Variants in CIC observed in about 807,000 individuals in gnomAD.
CIC encodes the protein capicua transcriptional repressor.
In CIC, 18 loss-of-function variants were observed where a neutral mutation model predicts 115.7. The ratio of observed to expected loss-of-function variants is 0.16; its 90% CI spans 0.11 to 0.23. The LOEUF is 0.23. Ranked by LOEUF, CIC falls within the 10% of genes least tolerant of loss-of-function variation. The probability of loss-of-function intolerance (pLI) is 1.00; values close to 1 mark genes in which losing one functional copy is unlikely to be tolerated. For missense variants in CIC, 2,000 were observed against 2,159.3 expected, an observed-to-expected ratio of 0.93 and a Z score of 1.46; for synonymous variants, 1,076 against 923.0, an observed-to-expected ratio of 1.17 and a Z score of -3.01.
intron 10 of CIC, 40 bp from the exon 11 acceptor site, chr19:42,290,193 G>C: frequency 6.2e-7 from 1 of 1,613,570 alleles, no homozygotes; most frequent in Non-Finnish European, 8.5e-7. Flanking sequence ...CGAGGTGTCG[G>C]AGTGTCCTGA....
chr19:42,281,704 AG>A (rs2037261951), intron 2 of CIC, among the ~76,000 whole-genome samples: 1 of 152,154 alleles, frequency 6.6e-6, no homozygotes, highest in South Asian at 2.1e-4. Context: ...CGCCCAGGGC[AG>A]GGGGGCCCTT....
chr19:42,295,143 G>GGGGGGGCCC lies in CIC; in HGVS notation c.7506_7507insGGGGGGCCC (p.Gln2502_Pro2503insGlyGlyPro). On this transcript the variant is annotated inframe_insertion, in exon 21 of 21. Coordinates refer to ENST00000681038, the MANE Select transcript of CIC (RefSeq NM_001386298.1). ...AGCCTGGCTGGGAGGGGGCTCCCCA[G>GGGGGGGCCC]CCCTCCCCCCCACCCCCAGGTCCCT... The GGGGGGGCCC allele has an allele frequency of 7.2e-7, 1 of 1,382,728 alleles. No homozygotes were observed. The highest frequency in any genetic ancestry group is 9.6e-7 in the Non-Finnish European group (1 of 1,037,818). The allele number at this position is 1,382,728 out of a possible 1,614,324, so 85.7% of individuals were successfully genotyped here. A position where few individuals can be genotyped will look rare whatever the true frequency, so the allele number is the denominator to read the frequency against.
intron 2 of CIC, among the ~76,000 whole-genome samples, chr19:42,279,580 G>T (rs1235699975): frequency 2.0e-5 from 3 of 152,268 alleles, no homozygotes; most frequent in African/African-American, 7.2e-5. Flanking sequence ...GAAAGTGCAT[G>T]AACTCCGAGT....
Position 42,274,304 on chromosome 19 carries a change from C to T in CIC, c.2521C>T (p.Arg841Trp), listed in dbSNP as rs1317942237. 5 of 398,546 alleles carry T rather than the reference C, an allele frequency of 1.3e-5. No individual in the cohort carries two copies. Among genetic ancestry groups the T allele is most frequent in the African/African-American group, 4.1e-5 (2 of 48,632 alleles). 24.7% of individuals were successfully genotyped at this position (398,546 alleles called of 1,614,324 possible). ...TGAGGTGCGGGCTGGGGGACCTGGG[C>T]GGGGCTGCCGTGAAACCCCAGTGCC... ...AGEVRAGGPG[R>W]GCRETPVPPG... Residue 841 changes from arginine (R) to tryptophan (W), a missense_variant, in exon 2 of 21, where the codon CGG (arginine) becomes TGG (tryptophan). Physicochemically the swap from Arg to Trp is moderately radical, Grantham distance 101 (BLOSUM62 -3). Around this residue, in one of 8 missense-constraint regions of CIC, gnomAD observed 222 missense variants for 247.7 expected, o/e 0.90. Transcript: ENST00000681038.
Position 42,287,131 on chromosome 19 carries a change from G to C in CIC, c.3070G>C (p.Gly1024Arg), listed in dbSNP as rs1301672793. 2 of 1,613,572 alleles carry C rather than the reference G, an allele frequency of 1.2e-6. No homozygotes were observed. Among genetic ancestry groups the C allele is most frequent in the Admixed American group, 1.7e-5 (1 of 60,018 alleles). ...SPGPGPPHPL[G>R]VVESGKGPPP... ...AGGACCCGGACCCCCACACCCTTTG[G>C]GGGTGGTGGAATCTGGTAAGGGTCC... The change falls in exon 4 of 21, where the codon GGG (glycine) becomes CGG (arginine). Residue 1024 changes from glycine to arginine, a missense_variant. Transcript: ENST00000681038. The surrounding 1 kb of genome is among the most constrained non-coding windows in gnomAD (Gnocchi z 8.7).
chr19:42,281,153 T>C (rs1000371728), intron 2 of CIC, among the ~76,000 whole-genome samples: 1 of 150,850 alleles, frequency 6.6e-6, no homozygotes, highest in Non-Finnish European at 1.5e-5. Context: ...GGTGGGTGTG[T>C]ATGTGGAAAG....
rs2037203483 is a variant in CIC, at chr19:42,280,837, C to G, written c.2795-5934C>G. On this transcript the variant is annotated intron_variant, in intron 2 of 20. Coordinates refer to ENST00000681038, the MANE Select transcript of CIC (RefSeq NM_001386298.1). This position sits in a 1 kb window ranked among gnomAD's most constrained non-coding sequence, Gnocchi z 4.9. ...GGCGCCTCCCTCAGCCCGCGCCGACCAACCCTCCCAGCCCAAGCGCCTGTA... is the reference window on the plus strand; with the variant it reads ...GGCGCCTCCCTCAGCCCGCGCCGACGAACCCTCCCAGCCCAAGCGCCTGTA... 6.6e-6 allele frequency among the ~76,000 whole-genome samples: 1 copy of G among 151,982 alleles called. No homozygotes were observed. The highest frequency in any genetic ancestry group is 6.5e-5 in the Admixed American group (1 of 15,282).
chr19:42,271,848 C>T lies in CIC; in HGVS notation c.65C>T (p.Pro22Leu), dbSNP rs778531867. 467 of 398,648 alleles carry T rather than the reference C, an allele frequency of 1.2e-3. 1 individual carries two copies. Among genetic ancestry groups the T allele is most frequent in the Non-Finnish European group, 1.4e-3 (315 of 226,144 alleles). The allele number at this position is 398,648 out of a possible 1,614,324, so 24.7% of individuals were successfully genotyped here. A position where few individuals can be genotyped will look rare whatever the true frequency, so the allele number is the denominator to read the frequency against. ...SGPGSGSKSP[P>L]ATRAKALRRR... ...CCTGGCAGTGGCAGCAAGTCCCCCC[C>T]AGCCACCAGGGCCAAGGCTCTGAGG... The change falls in exon 2 of 21, where the codon CCA becomes CTA. Residue 22 changes from proline (P) to leucine (L), a missense_variant. Coordinates refer to ENST00000681038, the MANE Select transcript of CIC (RefSeq NM_001386298.1).
chr19:42,277,750 C>T (rs2037042024), intron 2 of CIC, among the ~76,000 whole-genome samples: 1 of 152,206 alleles, frequency 6.6e-6, no homozygotes, highest in South Asian at 2.1e-4. Context: ...AAGGGAGGCC[C>T]CTTGCTGGGG....
At chr19:42,284,712 C>T (rs1373661668) in intron 2 of CIC, 5 of 1,551,318 alleles carry the variant, frequency 3.2e-6, no homozygotes, top group Non-Finnish European at 2.6e-6. Flanking sequence ...ACCATGTATT[C>T]GGCCCACAGG....
chr19:42,273,386 C>T lies in CIC; in HGVS notation c.1603C>T (p.Leu535=). 1 of 398,512 alleles carries T rather than the reference C, an allele frequency of 2.5e-6. No individual in the cohort carries two copies. The highest frequency in any genetic ancestry group is 4.4e-6 in the Non-Finnish European group (1 of 225,970). 24.7% of individuals were successfully genotyped at this position (398,512 alleles called of 1,614,324 possible). A position where few individuals can be genotyped will look rare whatever the true frequency, so the allele number is the denominator to read the frequency against. ...LSMRTKEMEG[L]ADSGPGGAGR... ...CATGCGAACCAAAGAGATGGAAGGC[C>T]TGGCAGACAGTGGGCCTGGCGGGGC... The change falls in exon 2 of 21, where the codon CTG becomes TTG. Residue 535 remains leucine (L), a synonymous_variant. Transcript: ENST00000681038.
In CIC at chr19:42,292,374, C is replaced by T; in HGVS notation, c.5810C>T (p.Thr1937Ile). The change falls in exon 14 of 21, where the codon ACA becomes ATA. Residue 1937 changes from threonine to isoleucine, a missense_variant. Coordinates refer to ENST00000681038, the MANE Select transcript of CIC (RefSeq NM_001386298.1). ...GTSPASSQAG[T>I]VTSYGPTSSV... ...AGCCCTGCGTCCAGCCAGGCTGGAA[C>T]AGTCACCTCGTACGGGCCCACGAGC... 1.2e-6 allele frequency: 2 copies of T among 1,612,940 alleles called. No homozygotes were observed. Among genetic ancestry groups the T allele is most frequent in the Non-Finnish European group, 1.7e-6 (2 of 1,179,870 alleles).
rs747754098 is a variant in CIC at position 42,292,710 on chromosome 19, C to T, written c.6047C>T (p.Pro2016Leu). The change falls in exon 15 of 21, where the codon CCC (proline) becomes CTC (leucine). Residue 2016 changes from proline (P) to leucine (L), a missense_variant. Coordinates refer to ENST00000681038, the MANE Select transcript of CIC (RefSeq NM_001386298.1). ...SGSPAPTSSA[P>L]LAQPSQAPPS... ...AGCCCTGCACCCACCTCCTCAGCAC[C>T]CCTGGCCCAGCCATCCCAGGCCCCC... 64 of 1,613,754 alleles carry T rather than the reference C, an allele frequency of 4.0e-5. No homozygotes were observed. The highest frequency in any genetic ancestry group is 4.9e-5 in the Non-Finnish European group (58 of 1,179,976).
chr19:42,292,086 A>G lies in CIC; in HGVS notation c.5614A>G (p.Ile1872Val). 1 of 1,613,490 alleles carries G rather than the reference A, an allele frequency of 6.2e-7. No homozygotes were observed. Among genetic ancestry groups the G allele is most frequent in the Non-Finnish European group, 8.5e-7 (1 of 1,179,934 alleles). ...VQNGAQPPSK[I>V]IQLTPVPVST... ...GGCCTATGGGTGCCCTTCTCCACAG[A>G]TCATCCAGCTGACCCCGGTGCCTGT... The change falls in exon 13 of 21, where the codon ATC (isoleucine) becomes GTC (valine). Residue 1872 changes from isoleucine (I) to valine (V), a missense_variant and splice_region_variant. Physicochemically the swap from Ile to Val is conservative, Grantham distance 29 (BLOSUM62 3). Coordinates refer to ENST00000681038, the MANE Select transcript of CIC (RefSeq NM_001386298.1).
intron 2 of CIC, among the ~76,000 whole-genome samples, chr19:42,283,180 C>CTG (rs1208594198): frequency 1.3e-5 from 2 of 151,892 alleles, no homozygotes; most frequent in Non-Finnish European, 1.5e-5. Flanking sequence ...GCTAGGAAGG[C>CTG]TGTGTGTGTG....
At chr19:42,291,818 C>G in intron 12 of CIC, 73 bp downstream of exon 12, 1 of 1,560,574 alleles carries the variant, frequency 6.4e-7, no homozygotes. Flanking sequence ...TCTTTTTTTT[C>G]AGTCTTTTCT....
Position 42,295,070 on chromosome 19 carries a change from C to T in CIC, c.7433C>T (p.Ala2478Val). ...PTSPSSDSGT[A>V]QAAPPLPPPP... Reference sequence around the variant, plus strand: ...TCACCCAGCTCGGACTCTGGCACGGCCCAGGCTGCCCCGCCACTGCCTCCA... The same window carrying T: ...TCACCCAGCTCGGACTCTGGCACGGTCCAGGCTGCCCCGCCACTGCCTCCA... Residue 2478 changes from alanine to valine, a missense_variant, in exon 21 of 21, where the codon GCC becomes GTC. By Grantham distance (64) the Ala-to-Val change is moderately conservative. Coordinates refer to ENST00000681038, the MANE Select transcript of CIC (RefSeq NM_001386298.1). 1 of 1,519,964 alleles carries T rather than the reference C, an allele frequency of 6.6e-7. No homozygotes were observed. The highest frequency in any genetic ancestry group is 8.8e-7 in the Non-Finnish European group (1 of 1,138,556). 94.2% of individuals were successfully genotyped at this position (1,519,964 alleles called of 1,614,324 possible).
chr19:42,279,343 T>C (rs1174222659), intron 2 of CIC, among the ~76,000 whole-genome samples: 1 of 152,134 alleles, frequency 6.6e-6, no homozygotes, highest in East Asian at 1.9e-4. Context: ...CAGATGTGGA[T>C]GCAGGCACAG....
At position 42,290,484 on chromosome 19, in the gene CIC, G is replaced by A. The variant is rs775299573; in HGVS notation, c.4443G>A (p.Arg1481=). The A allele has an allele frequency of 9.9e-6, 16 of 1,613,656 alleles. No individual in the cohort carries two copies. Among genetic ancestry groups the A allele is most frequent in the Non-Finnish European group, 1.4e-5 (16 of 1,179,874 alleles). The part of the protein sequence containing the change: ...SGQGSTAGPL[R]PPPPGAGGPA... ...AGGGCAGCACAGCGGGCCCCCTACG[G>A]CCCCCACCCCCTGGGGCTGGGGGTC... The change falls in exon 11 of 21, where the codon CGG becomes CGA. Residue 1481 remains arginine, a synonymous_variant. Coordinates refer to ENST00000681038, the MANE Select transcript of CIC (RefSeq NM_001386298.1).
Sources: allele counts gnomAD v4.1 joint callset (sites outside exome capture counted in the v4.1 genomes callset), GRCh38; gene constraint gnomAD v4.1.1; regional missense constraint gnomAD v4.1.1; non-coding constraint Gnocchi (gnomAD v3.1); transcripts MANE v1.5; gene names NCBI Gene and HGNC (gene_info 2026-07-23, HGNC 2026-07-21).